Variants in SCAF4 observed in about 807,000 individuals in gnomAD.
SCAF4 encodes the protein SR-related CTD associated factor 4, also known as SR-related and CTD-associated factor 4.
In SCAF4, 25 loss-of-function variants were observed where a neutral mutation model predicts 129.8. The observed-to-expected ratio is 0.19, with a 90% CI of 0.14 to 0.27. The LOEUF (loss-of-function observed/expected upper bound fraction) is 0.27, where lower values mean the gene tolerates loss of function less well. Ranked by LOEUF, SCAF4 falls within the 10% of genes least tolerant of loss-of-function variation. The pLI, the probability that SCAF4 is intolerant of heterozygous loss-of-function variation, is 1.00. For synonymous variants in SCAF4, 551 were observed against 497.7 expected, an observed-to-expected ratio of 1.11 and a Z score of -1.43; for missense variants, 1,246 against 1,457.1, an observed-to-expected ratio of 0.86 and a Z score of 2.36.
At chr21:31,723,609 G>GTTTTGTGTGTGTGTGTGTGT (rs112184778) in intron 1 of SCAF4, among the ~76,000 whole-genome samples, 80 of 146,102 alleles carry the variant, frequency 5.5e-4, no homozygotes, top group African/African-American at 2.0e-3. Flanking sequence ...TGATTTATAT[G>GTTTTGTGTGTGTGTGTGTGT]ATGTGTGTGT....
intron 9 of SCAF4, 133 bp downstream of exon 9, chr21:31,695,980 G>A (rs1023175716): frequency 5.7e-6 from 3 of 522,950 alleles, no homozygotes; most frequent in Non-Finnish European, 1.0e-5. Context: ...AAATAGTTAC[G>A]TGTTCAACAG....
intron 19 of SCAF4, 85 bp from the exon 20 acceptor site, chr21:31,672,439 A>G: frequency 9.4e-7 from 1 of 1,060,430 alleles, no homozygotes; most frequent in Non-Finnish European, 1.4e-6. Flanking sequence ...TTAAAGCAAA[A>G]TAAAATTCAA....
At chr21:31,720,212 C>G (rs939826208) in intron 1 of SCAF4, among the ~76,000 whole-genome samples, 1 of 152,072 alleles carries the variant, frequency 6.6e-6, no homozygotes, top group Admixed American at 6.6e-5. Context: ...AAAATTGATT[C>G]CAGGACATAA....
intron 1 of SCAF4, among the ~76,000 whole-genome samples, chr21:31,729,630 T>A (rs750672635): frequency 6.6e-6 from 1 of 152,174 alleles, no homozygotes; most frequent in Non-Finnish European, 1.5e-5. Context: ...ACAAATCAAG[T>A]AGGCACAGTA....
At chr21:31,717,937 A>T (rs1292897943) in intron 1 of SCAF4, among the ~76,000 whole-genome samples, 1 of 144,980 alleles carries the variant, frequency 6.9e-6, no homozygotes, top group African/African-American at 2.8e-5. Flanking sequence ...ACACACACAC[A>T]CACACACACA....
At chr21:31,713,863 A>C (rs943460142) in intron 1 of SCAF4, among the ~76,000 whole-genome samples, 2 of 152,204 alleles carry the variant, frequency 1.3e-5, no homozygotes, top group Non-Finnish European at 2.9e-5. Context: ...ACAGATTCAA[A>C]GATAATTCAG....
At chr21:31,719,102 T>C (rs1194112497) in intron 1 of SCAF4, among the ~76,000 whole-genome samples, 1 of 151,968 alleles carries the variant, frequency 6.6e-6, no homozygotes, top group Non-Finnish European at 1.5e-5. Flanking sequence ...ACCAGCCTGA[T>C]CAACATGGAG....
chr21:31,690,233 C>T (rs1040275486), intron 15 of SCAF4, among the ~76,000 whole-genome samples: 1 of 152,160 alleles, frequency 6.6e-6, no homozygotes, highest in African/African-American at 2.4e-5. Context: ...GCCTGTAATG[C>T]CAACTCTATG....
At chr21:31,694,326 A>C (rs560412058) in intron 10 of SCAF4, 37 bp from the exon 11 acceptor site, 1 of 1,295,052 alleles carries the variant, frequency 7.7e-7, no homozygotes, top group East Asian at 2.3e-5. Flanking sequence ...TGAGAAATTT[A>C]AAAAGTATAA....
rs1188404197 is a variant in SCAF4 at position 31,717,908 on chromosome 21, C to T, written c.31-11551G>A. Among the ~76,000 whole-genome samples the T allele has an allele frequency of 9.1e-3, 564 of 61,746 alleles. 14 individuals carry two copies. Among genetic ancestry groups the T allele is most frequent in the African/African-American group, 0.025 (487 of 19,806 alleles). 40.5% of individuals were successfully genotyped at this position (61,746 alleles called of 152,430 possible). On this transcript the variant is annotated intron_variant, in intron 1 of 19. Coordinates refer to ENST00000286835, the MANE Select transcript of SCAF4 (RefSeq NM_020706.2). ...ATACACATATATACACATATATACACACACACACACACACACACACACACA... is the reference window on the plus strand; with the variant it reads ...ATACACATATATACACATATATACATACACACACACACACACACACACACA...
At chr21:31,728,910 C>T (rs2051275382) in intron 1 of SCAF4, among the ~76,000 whole-genome samples, 1 of 152,090 alleles carries the variant, frequency 6.6e-6, no homozygotes, top group African/African-American at 2.4e-5. Flanking sequence ...AAGGGTATCA[C>T]CACTCTCTCA....
chr21:31,693,638 T>C (rs1381444518), intron 11 of SCAF4, among the ~76,000 whole-genome samples, 154 bp from the exon 12 acceptor site: 3 of 152,236 alleles, frequency 2.0e-5, no homozygotes, highest in Non-Finnish European at 4.4e-5. Flanking sequence ...AGATTTAGTA[T>C]GTCCCAAATT....
At chr21:31,717,026 A>G (rs997349394) in intron 1 of SCAF4, among the ~76,000 whole-genome samples, 7 of 152,178 alleles carry the variant, frequency 4.6e-5, no homozygotes, top group African/African-American at 1.7e-4. Context: ...GTGTTCAACC[A>G]TACCAATCAA....
At chr21:31,679,052 G>A (rs1395142015) in intron 19 of SCAF4, among the ~76,000 whole-genome samples, 1 of 152,166 alleles carries the variant, frequency 6.6e-6, no homozygotes, top group Admixed American at 6.6e-5. Flanking sequence ...ATACCTCTCA[G>A]GGAATTAAGA....
chr21:31,702,217 T>A (rs1568847388), intron 5 of SCAF4, 27 bp downstream of exon 5: 2 of 1,613,178 alleles, frequency 1.2e-6, no homozygotes, highest in Non-Finnish European at 1.7e-6. Flanking sequence ...TACCATTGTG[T>A]GAGCTCACAG....
chr21:31,706,224 A>G, intron 2 of SCAF4, 50 bp downstream of exon 2: 5 of 1,233,118 alleles, frequency 4.1e-6, no homozygotes, highest in Non-Finnish European at 5.8e-6. Context: ...AGTAATAAAT[A>G]TTTTCAAAAT....
At chr21:31,726,657 C>A (rs577287082) in intron 1 of SCAF4, among the ~76,000 whole-genome samples, 1 of 151,750 alleles carries the variant, frequency 6.6e-6, no homozygotes, top group Non-Finnish European at 1.5e-5. Flanking sequence ...AGAGCCAGAC[C>A]CTGTCTCAAA....
intron 19 of SCAF4, among the ~76,000 whole-genome samples, chr21:31,677,133 C>A (rs994898253): frequency 6.6e-6 from 1 of 152,122 alleles, no homozygotes; most frequent in African/African-American, 2.4e-5. Context: ...TTTTCATCCA[C>A]CCACATGCCA....
intron 1 of SCAF4, among the ~76,000 whole-genome samples, chr21:31,724,817 TCC>T (rs2051160941): frequency 1.3e-5 from 2 of 152,238 alleles, no homozygotes; most frequent in Non-Finnish European, 2.9e-5. Flanking sequence ...AACCAACTTT[TCC>T]ATTATTCTAA....
Sources: gnomAD v4.1 joint callset for allele counts (sites outside exome capture counted in the v4.1 genomes callset) on GRCh38, gnomAD v4.1.1 for gene constraint, MANE v1.5 for transcripts, NCBI Gene and HGNC (gene_info 2026-07-23, HGNC 2026-07-21) for gene names.